Variants in DOCK6 observed in about 807,000 individuals in gnomAD.
DOCK6 encodes the protein dedicator of cytokinesis protein 6.
DOCK6 carries 167 observed loss-of-function variants against 230.3 expected under a neutral mutation model. That is an observed-to-expected ratio of 0.73 (90% CI 0.64 to 0.82). The LOEUF (loss-of-function observed/expected upper bound fraction) is 0.82, where lower values mean the gene tolerates loss of function less well. Among genes scored for constraint, DOCK6 ranks in the 40% least tolerant of loss-of-function variants. The probability of loss-of-function intolerance (pLI) is 0.00; values close to 1 mark genes in which losing one functional copy is unlikely to be tolerated. For missense variants in DOCK6, 2,598 were observed against 2,825.8 expected (o/e 0.92, Z 1.83); for synonymous variants, 1,148 against 1,185.0 (o/e 0.97, Z 0.64).
At chr19:11,229,643 G>T (rs1383791096) in intron 22 of DOCK6, among the ~76,000 whole-genome samples, 1 of 152,052 alleles carries the variant, frequency 6.6e-6, no homozygotes, top group Non-Finnish European at 1.5e-5. Flanking sequence ...TGTGGGAGTA[G>T]ACGGGGCAGT....
At chr19:11,241,170 T>C (rs1391868792) in intron 14 of DOCK6, among the ~76,000 whole-genome samples, 1 of 150,762 alleles carries the variant, frequency 6.6e-6, no homozygotes, top group East Asian at 2.0e-4. Context: ...CGCTTGAACC[T>C]GGGAGGTGGA....
At position 11,237,746 on chromosome 19, in the gene DOCK6, A is replaced by G. The variant is rs374473563; in HGVS notation, c.1866T>C (p.His622=). 25 of 1,576,306 alleles carry G rather than the reference A, an allele frequency of 1.6e-5. No homozygotes were observed. Among genetic ancestry groups the G allele is most frequent in the Non-Finnish European group, 2.2e-5 (25 of 1,161,658 alleles). ...GGTTCTCTGTCACGCAGGCTGGAAG[A>G]TGCAGCTTGAACTCCTCGTAGAACT... ...SPEFYEEFKL[H]LPACVTENHH... The change falls in exon 17 of 48, where the codon CAT becomes CAC. Residue 622 remains histidine, a synonymous_variant. Coordinates refer to ENST00000294618, the MANE Select transcript of DOCK6 (RefSeq NM_020812.4).
In DOCK6 at chr19:11,236,070, G is replaced by T. The variant is rs542019892; in HGVS notation, c.2392+276C>A. On this transcript the variant is annotated intron_variant, in intron 20 of 47. Transcript: ENST00000294618. This position sits in a 1 kb window ranked among gnomAD's most constrained non-coding sequence, Gnocchi z 5.2. ...TAATTTTGTATTTTTAGTAGAGAAG[G>T]GGTTTCTCCATGTTGGTCAGGCTGG... 2.0e-6 allele frequency: 1 copy of T among 505,510 alleles called. No individual in the cohort carries two copies. The highest frequency in any genetic ancestry group is 1.9e-5 in the African/African-American group (1 of 51,868). 31.3% of individuals were successfully genotyped at this position (505,510 alleles called of 1,614,324 possible). A position where few individuals can be genotyped will look rare whatever the true frequency, so the allele number is the denominator to read the frequency against.
chr19:11,203,606 G>C (rs191190075), intron 41 of DOCK6: 335 of 168,106 alleles, frequency 2.0e-3, no homozygotes, highest in Non-Finnish European at 3.1e-3. Context: ...CGGGATTCGG[G>C]GGGGCTGGAG....
chr19:11,221,820 A>G, intron 28 of DOCK6, 31 bp downstream of exon 28: 1 of 1,613,436 alleles, frequency 6.2e-7, no homozygotes, highest in Non-Finnish European at 8.5e-7. Flanking sequence ...TCCCTGGATC[A>G]TGTGACCCCA....
In DOCK6 at chr19:11,217,212, G is replaced by C. The variant is rs761892295; in HGVS notation, c.3711+19C>G. 6 of 1,609,710 alleles carry C rather than the reference G, an allele frequency of 3.7e-6. No homozygotes were observed. Among genetic ancestry groups the C allele is most frequent in the Non-Finnish European group, 5.1e-6 (6 of 1,177,600 alleles). On this transcript the variant is annotated intron_variant, in intron 29 of 47. Transcript: ENST00000294618. ...ATTCAAAGTGGATGATGTCTATGGGGACAAGCCTCCCTACTCACCGTTGGT... is the reference window on the plus strand; with the variant it reads ...ATTCAAAGTGGATGATGTCTATGGGCACAAGCCTCCCTACTCACCGTTGGT...
chr19:11,224,384 T>C (rs984725816), intron 24 of DOCK6, among the ~76,000 whole-genome samples: 1 of 151,794 alleles, frequency 6.6e-6, no homozygotes, highest in Non-Finnish European at 1.5e-5. Flanking sequence ...CTAACTTCTG[T>C]GTTTTTAGTA....
Position 11,242,062 on chromosome 19 carries a change from G to T in DOCK6, c.1626C>A (p.Ala542=). The change falls in exon 14 of 48, where the codon GCC becomes GCA. Residue 542 remains alanine, a synonymous_variant. Coordinates refer to ENST00000294618, the MANE Select transcript of DOCK6 (RefSeq NM_020812.4). ...GGCCGTACCTGTAGCTGGTATGGGGGGCATAGACTTCGCGGGCGGGGAACT... is the reference window on the plus strand; with the variant it reads ...GGCCGTACCTGTAGCTGGTATGGGGTGCATAGACTTCGCGGGCGGGGAACT... ...ILEFPAREVY[A]PHTSYRNLLY... The T allele has an allele frequency of 6.4e-7, 1 of 1,558,700 alleles. No individual in the cohort carries two copies. Among genetic ancestry groups the T allele is most frequent in the African/African-American group, 1.4e-5 (1 of 72,068 alleles).
At chr19:11,213,043 G>A in intron 35 of DOCK6, 133 bp downstream of exon 35, 2 of 1,233,208 alleles carry the variant, frequency 1.6e-6, no homozygotes, top group Non-Finnish European at 2.2e-6. Flanking sequence ...ACCCCCAATT[G>A]CATTCTGAGC....
At chr19:11,230,825 A>G (rs73506651) in intron 22 of DOCK6, among the ~76,000 whole-genome samples, 1,679 of 152,096 alleles carry the variant, frequency 0.011, 31 homozygotes, top group African/African-American at 0.038. Flanking sequence ...TGAAATGGGT[A>G]TAGGCAGAGG....
intron 7 of DOCK6, 50 bp from the exon 8 acceptor site, chr19:11,245,928 C>T (rs1280873020): frequency 8.4e-6 from 13 of 1,547,848 alleles, no homozygotes; most frequent in Non-Finnish European, 1.1e-5. Flanking sequence ...TCCCGCTGTC[C>T]ACACACCCCA....
chr19:11,214,873 T>G (rs572434759), intron 32 of DOCK6, among the ~76,000 whole-genome samples: 99 of 151,436 alleles, frequency 6.5e-4, no homozygotes, highest in African/African-American at 2.3e-3. Flanking sequence ...CCTCCCAGGC[T>G]CAAGTCATTC....
At chr19:11,225,182 C>T (rs551000603) in intron 24 of DOCK6, among the ~76,000 whole-genome samples, 2 of 152,126 alleles carry the variant, frequency 1.3e-5, no homozygotes, top group South Asian at 2.1e-4. Flanking sequence ...GAGCCGAGAT[C>T]GTGCCATTGC....
chr19:11,257,251 C>T (rs2080212128), intron 1 of DOCK6, among the ~76,000 whole-genome samples: 1 of 151,682 alleles, frequency 6.6e-6, no homozygotes, highest in Non-Finnish European at 1.5e-5. Flanking sequence ...CCCGCCTCAG[C>T]CTCCTAAAGT....
chr19:11,245,761 C>T (rs780500890), intron 8 of DOCK6, 49 bp from the exon 9 acceptor site: 2 of 1,603,792 alleles, frequency 1.2e-6, no homozygotes, highest in Non-Finnish European at 1.7e-6. Flanking sequence ...AAGCCCACAG[C>T]CCCCCAACAA....
chr19:11,250,360 C>T (rs1027415179), intron 6 of DOCK6, among the ~76,000 whole-genome samples: 3 of 151,544 alleles, frequency 2.0e-5, no homozygotes, highest in African/African-American at 7.3e-5. Flanking sequence ...GCTGCCCAGG[C>T]TGGAGTGCAG....
intron 1 of DOCK6, 150 bp downstream of exon 1, chr19:11,262,247 C>A: frequency 4.2e-6 from 2 of 471,444 alleles, no homozygotes; most frequent in Non-Finnish European, 6.1e-6. Context: ...CCTTCTCCCG[C>A]TCCCAGCCCC....
intron 39 of DOCK6, among the ~76,000 whole-genome samples, chr19:11,204,628 C>T (rs2079227401): frequency 6.6e-6 from 1 of 152,152 alleles, no homozygotes; most frequent in Non-Finnish European, 1.5e-5. Context: ...CAACCTCCAA[C>T]TCCTGGGCTC....
chr19:11,241,448 C>G (rs1316768109), intron 14 of DOCK6: 1 of 1,548,624 alleles, frequency 6.5e-7, no homozygotes, highest in African/African-American at 1.4e-5. Context: ...CCCACAGGCT[C>G]ACGCTGACAA....
Sources: allele counts gnomAD v4.1 joint callset (sites outside exome capture counted in the v4.1 genomes callset), GRCh38; gene constraint gnomAD v4.1.1; non-coding constraint Gnocchi (gnomAD v3.1); transcripts MANE v1.5; gene names NCBI Gene and HGNC (gene_info 2026-07-23, HGNC 2026-07-21).